Variants in TNKS observed in about 807,000 individuals in gnomAD.
TNKS encodes tankyrase.
TNKS carries 72 observed loss-of-function variants against 135.8 expected under a neutral mutation model. That is an observed-to-expected ratio of 0.53 (90% CI 0.44 to 0.64). The LOEUF is 0.64. Ranked by LOEUF, TNKS falls within the 30% of genes least tolerant of loss-of-function variation. The pLI is 0.00. For missense variants in TNKS, 1,769 were observed against 1,674.0 expected (o/e 1.06, Z -0.99); for synonymous variants, 849 against 649.3 (o/e 1.31, Z -4.68).
At chr8:9,752,463 AG>A in intron 19 of TNKS, 80 bp from the exon 20 acceptor site, 2 of 964,022 alleles carry the variant, frequency 2.1e-6, no homozygotes, top group Non-Finnish European at 3.2e-6. Flanking sequence ...AGGTTGTCAG[AG>A]TCATGTCTAA....
At chr8:9,731,121 G>C in intron 14 of TNKS, 86 bp downstream of exon 14, 1 of 1,361,550 alleles carries the variant, frequency 7.3e-7, no homozygotes, top group Non-Finnish European at 9.6e-7. Context: ...GATTTTTTCT[G>C]TATTAAAAAA....
Position 9,556,091 on chromosome 8 carries a change from G to A in TNKS, c.152G>A (p.Ser51Asn), listed in dbSNP as rs2129048198. The change falls in exon 1 of 27, where the codon AGC becomes AAC. Residue 51 changes from serine to asparagine, a missense_variant. By Grantham distance (46) the Ser-to-Asn change is conservative. This residue lies in a region of TNKS where 450 missense variants were observed against 304.9 expected (regional missense o/e 1.48). Coordinates refer to ENST00000310430, the MANE Select transcript of TNKS (RefSeq NM_003747.3). The part of the protein sequence containing the change: ...PGTTPASPTA[S>N]GLAPFASPRH... ...ACCACCCCAGCCTCTCCCACGGCCA[G>A]CGGCCTGGCCCCCTTCGCCTCCCCG... 6.2e-6 allele frequency: 10 copies of A among 1,602,946 alleles called. No homozygotes were observed. Among genetic ancestry groups the A allele is most frequent in the African/African-American group, 1.3e-5 (1 of 74,834 alleles).
rs1230716270 is a variant in TNKS at position 9,770,118 on chromosome 8, C to G, written c.3753C>G (p.Phe1251Leu). 1.2e-6 allele frequency: 2 copies of G among 1,612,646 alleles called. No individual in the cohort carries two copies. Among genetic ancestry groups the G allele is most frequent in the African/African-American group, 2.7e-5 (2 of 74,926 alleles). Residue 1251 changes from phenylalanine to leucine, a missense_variant, in exon 26 of 27, where the codon TTC (phenylalanine) becomes TTG (leucine). Around this residue, in one of 5 missense-constraint regions of TNKS, gnomAD observed 722 missense variants for 688.9 expected, o/e 1.05. Transcript: ENST00000310430. Reference sequence around the variant, plus strand: ...TCTTTTTCCTTAGACAAATGCTCTTCTGTAGAGTGACCCTTGGGAAATCCT... The same window carrying G: ...TCTTTTTCCTTAGACAAATGCTCTTGTGTAGAGTGACCCTTGGGAAATCCT... ...SCYICHRQML[F>L]CRVTLGKSFL...
At chr8:9,573,955 GATTACAATGCTGA>G (rs1433429111) in intron 1 of TNKS, among the ~76,000 whole-genome samples, 1 of 152,146 alleles carries the variant, frequency 6.6e-6, no homozygotes, top group Non-Finnish European at 1.5e-5. Context: ...TTTTAGGCGG[GATTACAATGCTGA>G]ACATAAGTGA....
Position 9,706,888 on chromosome 8 carries a change from A to C in TNKS, c.1347A>C (p.Glu449Asp). The change falls in exon 8 of 27, where the codon GAA becomes GAC. Residue 449 changes from glutamate to aspartate, a missense_variant. Glu to Asp is a conservative substitution (Grantham distance 45). Coordinates refer to ENST00000310430, the MANE Select transcript of TNKS (RefSeq NM_003747.3). ...AGGCTGCTTCCAAGAACCGTGTAGA[A>C]GTCTGCTCTTTGTTACTTAGCCATG... ...LHEAASKNRVEVCSLLLSHGA... is the reference protein window; with the variant it reads ...LHEAASKNRVDVCSLLLSHGA... The C allele has an allele frequency of 6.2e-7, 1 of 1,614,106 alleles. No individual in the cohort carries two copies. The highest frequency in any genetic ancestry group is 8.5e-7 in the Non-Finnish European group (1 of 1,179,978).
intron 3 of TNKS, among the ~76,000 whole-genome samples, chr8:9,676,862 T>G (rs956287458): frequency 6.6e-6 from 1 of 152,216 alleles, no homozygotes; most frequent in Non-Finnish European, 1.5e-5. Flanking sequence ...CCATCTATTT[T>G]CTTCATTCCT....
At chr8:9,756,057 A>G (rs994329393) in intron 20 of TNKS, among the ~76,000 whole-genome samples, 2 of 152,194 alleles carry the variant, frequency 1.3e-5, no homozygotes, top group Non-Finnish European at 2.9e-5. Flanking sequence ...CACTTTTTAT[A>G]TGGGAAAGAC....
At chr8:9,775,998 T>G (rs1808208834) in intron 26 of TNKS, among the ~76,000 whole-genome samples, 2 of 151,012 alleles carry the variant, frequency 1.3e-5, no homozygotes, top group Admixed American at 6.6e-5. Context: ...TCCTTTTTCC[T>G]GCTCCCACCA....
chr8:9,609,791 G>T (rs11994420), intron 2 of TNKS, among the ~76,000 whole-genome samples: 1 of 151,972 alleles, frequency 6.6e-6, no homozygotes, highest in African/African-American at 2.4e-5. Flanking sequence ...TGTGCCATTT[G>T]AATTCTAATT....
intron 2 of TNKS, 134 bp downstream of exon 2, chr8:9,580,517 AAAGG>A: frequency 5.2e-6 from 4 of 765,262 alleles, no homozygotes; most frequent in Non-Finnish European, 8.2e-6. Flanking sequence ...TTTTCCATCA[AAAGG>A]TAAACAGAGA....
rs5889301 is a variant in TNKS at position 9,719,857 on chromosome 8, C to CT, written c.1750-509dup. Among the ~76,000 whole-genome samples the CT allele has an allele frequency of 8.7e-3, 1,329 of 152,068 alleles. 18 individuals are homozygous for CT. The highest frequency in any genetic ancestry group is 0.029 in the African/African-American group (1,212 of 41,484). On this transcript the variant is annotated intron_variant, in intron 11 of 26. Coordinates refer to ENST00000310430, the MANE Select transcript of TNKS (RefSeq NM_003747.3). ...AAAAGGAATGTTTGAATCCTCAAAT[C>CT]TTTTTTTTGCTTAAATATGCTTGTA...
At chr8:9,771,457 A>AG (rs1554490143) in intron 26 of TNKS, among the ~76,000 whole-genome samples, 12,497 of 102,024 alleles carry the variant, frequency 0.12, 791 homozygotes, top group South Asian at 0.2. Flanking sequence ...AAGAGAGAGA[A>AG]GAAGGGAGGG....
Position 9,751,813 on chromosome 8 carries a change from G to C in TNKS, c.3037G>C (p.Gly1013Arg). The change falls in exon 19 of 27, where the codon GGC (glycine) becomes CGC (arginine). Residue 1013 changes from glycine to arginine, a missense_variant. Gly to Arg is a moderately radical substitution (Grantham distance 125). This residue lies in a region of TNKS where 722 missense variants were observed against 688.9 expected (regional missense o/e 1.05). Coordinates refer to ENST00000310430, the MANE Select transcript of TNKS (RefSeq NM_003747.3). Reference sequence around the variant, plus strand: ...AGGAGGAGCCTCCAATGCAGGGGATGGCGCCGCGGGAACAGAAAGGAAGGA... The same window carrying C: ...AGGAGGAGCCTCCAATGCAGGGGATCGCGCCGCGGGAACAGAAAGGAAGGA... The part of the protein sequence containing the change: ...AVGGASNAGD[G>R]AAGTERKEGE... 1 of 1,614,150 alleles carries C rather than the reference G, an allele frequency of 6.2e-7. No homozygotes were observed. The highest frequency in any genetic ancestry group is 8.5e-7 in the Non-Finnish European group (1 of 1,180,016).
intron 3 of TNKS, among the ~76,000 whole-genome samples, chr8:9,630,149 C>G (rs926616976): frequency 1.3e-5 from 2 of 152,258 alleles, no homozygotes; most frequent in South Asian, 4.1e-4. Flanking sequence ...TTTGTTTATT[C>G]ATGGCCTGAT....
Position 9,555,985 on chromosome 8 carries a change from C to T in TNKS, c.46C>T (p.Gln16Ter). 6.2e-7 allele frequency: 1 copy of T among 1,613,564 alleles called. No homozygotes were observed. Among genetic ancestry groups the T allele is most frequent in the Non-Finnish European group, 8.5e-7 (1 of 1,179,904 alleles). Residue 16 changes from glutamine to a stop codon, truncating the protein, a stop_gained, in exon 1 of 27, where the codon CAA becomes TAA. Transcript: ENST00000310430. LOFTEE classifies it high-confidence loss of function. ...RSQHHHHHHQ[Q>*]QLQPAPGASA... ...TCAGCATCATCACCACCATCATCAA[C>T]AACAGCTCCAGCCCGCCCCAGGGGC... is the stretch of plus-strand genomic sequence containing the variant.
intron 21 of TNKS, 103 bp downstream of exon 21, chr8:9,761,739 C>A: frequency 8.1e-7 from 1 of 1,227,548 alleles, no homozygotes; most frequent in Non-Finnish European, 1.1e-6. Context: ...GAACCATACA[C>A]TGAACTATTG....
intron 2 of TNKS, among the ~76,000 whole-genome samples, chr8:9,613,425 C>A (rs534064259): frequency 1.3e-5 from 2 of 152,084 alleles, no homozygotes; most frequent in African/African-American, 4.8e-5. Context: ...AAGTTTAGAC[C>A]CCTGCTGATC....
At chr8:9,653,005 A>G (rs908820397) in intron 3 of TNKS, among the ~76,000 whole-genome samples, 1 of 152,196 alleles carries the variant, frequency 6.6e-6, no homozygotes, top group Admixed American at 6.5e-5. Flanking sequence ...TTCCCTAGCC[A>G]GGCACAGGCC....
In TNKS at chr8:9,778,479, G is replaced by A. The variant is rs899851551; in HGVS notation, c.*1743G>A. Reference sequence around the variant, plus strand: ...TTGATTTTGGCTTCAACCCAGTGCTGGAACTAGGCATCCAGACTAGTTTGA... The same window carrying A: ...TTGATTTTGGCTTCAACCCAGTGCTAGAACTAGGCATCCAGACTAGTTTGA... On this transcript the variant is annotated 3_prime_UTR_variant, in exon 27 of 27. Transcript: ENST00000310430. 1 of 152,598 alleles carries A rather than the reference G, an allele frequency of 6.6e-6. No individual in the cohort carries two copies. The highest frequency in any genetic ancestry group is 1.5e-5 in the Non-Finnish European group (1 of 68,032). The allele number at this position is 152,598 out of a possible 1,614,324, so 9.5% of individuals were successfully genotyped here. A position where few individuals can be genotyped will look rare whatever the true frequency, so the allele number is the denominator to read the frequency against.
Sources: gnomAD v4.1 joint callset for allele counts (sites outside exome capture counted in the v4.1 genomes callset) on GRCh38, gnomAD v4.1.1 for gene constraint, gnomAD v4.1.1 regional missense constraint, MANE v1.5 for transcripts, NCBI Gene and HGNC (gene_info 2026-07-23, HGNC 2026-07-21) for gene names.